Variants in KMT2A observed in about 807,000 individuals in gnomAD.
The protein encoded by KMT2A is lysine methyltransferase 2A, also known as histone-lysine N-methyltransferase 2A.
In KMT2A, 16 loss-of-function variants were observed where a neutral mutation model predicts 345.3. The observed-to-expected ratio is 0.05, with a 90% CI of 0.03 to 0.07. KMT2A has a LOEUF of 0.07. KMT2A is among the 10% of genes least tolerant of loss of function. The pLI, the probability that KMT2A is intolerant of heterozygous loss-of-function variation, is 1.00. For missense variants in KMT2A, 3,272 were observed against 4,841.6 expected (o/e 0.68, Z 9.62); for synonymous variants, 1,599 against 1,778.6 (o/e 0.90, Z 2.54).
chr11:118,437,440 C>T (rs1325666736), intron 1 of KMT2A, among the ~76,000 whole-genome samples: 1 of 152,040 alleles, frequency 6.6e-6, no homozygotes, highest in African/African-American at 2.4e-5. Flanking sequence ...GATCGTGTCC[C>T]TTCCAGCACC....
At chr11:118,518,796 A>AAT (rs1555052445) in intron 31 of KMT2A, among the ~76,000 whole-genome samples, 4 of 138,288 alleles carry the variant, frequency 2.9e-5, no homozygotes. Flanking sequence ...AAAAAAAAAA[A>AAT]GCCGGGCGCG....
rs929493020 is a variant in KMT2A, at chr11:118,523,595, T to C, written c.*1423T>C. 3 of 227,718 alleles carry C rather than the reference T, an allele frequency of 1.3e-5. No homozygotes were observed. Among genetic ancestry groups the C allele is most frequent in the African/African-American group, 2.2e-5 (1 of 45,042 alleles). 14.1% of individuals were successfully genotyped at this position (227,718 alleles called of 1,614,324 possible). On this transcript the variant is annotated 3_prime_UTR_variant, in exon 36 of 36. Transcript: ENST00000534358. Reference sequence around the variant, plus strand: ...TAAATATATTTTGTATATTTTTCTATGAGAAGCACTTCATAGGGAGAAGCA... The same window carrying C: ...TAAATATATTTTGTATATTTTTCTACGAGAAGCACTTCATAGGGAGAAGCA...
rs1951053582 is a variant in KMT2A, at chr11:118,525,090, G to A, written c.*2918G>A. On this transcript the variant is annotated 3_prime_UTR_variant, in exon 36 of 36. Transcript: ENST00000534358. ...GGAATAAGCGAAGGTTTCCCTACAA[G>A]AGGGAAAGAAGGCAAAAACGGCACA... 1 of 220,544 alleles carries A rather than the reference G, an allele frequency of 4.5e-6. No homozygotes were observed. The highest frequency in any genetic ancestry group is 9.1e-6 in the Non-Finnish European group (1 of 109,754). The allele number at this position is 220,544 out of a possible 1,614,324, so 13.7% of individuals were successfully genotyped here. A position where few individuals can be genotyped will look rare whatever the true frequency, so the allele number is the denominator to read the frequency against.
rs1950241067 is a variant in KMT2A at position 118,486,956 on chromosome 11, C to CA, written c.4333-1657dup. ...GGTTGAAATCTGAATGTTGAGCAGT[C>CA]AGTGAGACACAAACTAGCTAAGAAA... On this transcript the variant is annotated intron_variant, in intron 10 of 35. Transcript: ENST00000534358. Among the ~76,000 whole-genome samples, 5 of 152,166 alleles carry CA rather than the reference C, an allele frequency of 3.3e-5. No individual in the cohort carries two copies. In the South Asian group the frequency reaches 1.0e-3, roughly 32 times the overall value.
chr11:118,500,313 C>A (rs1950480294), intron 24 of KMT2A, among the ~76,000 whole-genome samples: 1 of 152,092 alleles, frequency 6.6e-6, no homozygotes, highest in Admixed American at 6.5e-5. Flanking sequence ...CAATAATGAT[C>A]AAATTTTTCA....
At position 118,506,316 on chromosome 11, in the gene KMT2A, T is replaced by C. The variant is rs1555048365; in HGVS notation, c.10424T>C (p.Leu3475Pro). 2 of 1,614,184 alleles carry C rather than the reference T, an allele frequency of 1.2e-6. No homozygotes were observed. Among genetic ancestry groups the C allele is most frequent in the Non-Finnish European group, 1.7e-6 (2 of 1,180,034 alleles). Reference sequence around the variant, plus strand: ...GGGATTCATTCTTCCCAGCGTGATCTTGATTCTGCTTCAGGGCCCCAGGTA... The same window carrying C: ...GGGATTCATTCTTCCCAGCGTGATCCTGATTCTGCTTCAGGGCCCCAGGTA... ...KTGIHSSQRD[L>P]DSASGPQVSN... Residue 3475 changes from leucine (L) to proline (P), a missense_variant, in exon 27 of 36, where the codon CTT becomes CCT. Leu to Pro is a moderately conservative substitution (Grantham distance 98, BLOSUM62 -3). This residue lies in a region of KMT2A where 748 missense variants were observed against 922.2 expected (regional missense o/e 0.81). Transcript: ENST00000534358.
intron 1 of KMT2A, among the ~76,000 whole-genome samples, chr11:118,455,898 C>T (rs1433387334): frequency 5.9e-5 from 9 of 152,030 alleles, no homozygotes; most frequent in African/African-American, 2.2e-4. Flanking sequence ...CATTGTTGCC[C>T]AGGCTGGTCT....
Position 118,436,695 on chromosome 11 carries a change from G to T in KMT2A, c.183G>T (p.Ala61=). The T allele has an allele frequency of 7.6e-7, 1 of 1,312,316 alleles. No individual in the cohort carries two copies. The highest frequency in any genetic ancestry group is 2.5e-5 in the South Asian group (1 of 39,460). The allele number at this position is 1,312,316 out of a possible 1,614,324, so 81.3% of individuals were successfully genotyped here. A position where few individuals can be genotyped will look rare whatever the true frequency, so the allele number is the denominator to read the frequency against. ...PGAPPSPPAV[A]AAAAAAGSSG... is the part of the protein sequence containing the mutation. ...CGCCCCCCTCCCCCCCGGCTGTGGC[G>T]GCCGCGGCGGCGGCGGCGGGAAGCA... The change falls in exon 1 of 36, where the codon GCG becomes GCT. Residue 61 remains alanine (A), a synonymous_variant. Transcript: ENST00000534358. The surrounding 1 kb of genome is among the most constrained non-coding windows in gnomAD (Gnocchi z 6.9).
At chr11:118,509,240 A>G (rs782799010) in intron 29 of KMT2A, 40 bp downstream of exon 29, 1 of 1,482,424 alleles carries the variant, frequency 6.7e-7, no homozygotes, top group Non-Finnish European at 9.4e-7. Flanking sequence ...GAGAATATCA[A>G]TGCTAAAAGG....
intron 31 of KMT2A, among the ~76,000 whole-genome samples, chr11:118,514,561 C>A (rs1271158190): frequency 3.3e-5 from 5 of 151,638 alleles, no homozygotes; most frequent in Non-Finnish European, 5.9e-5. Flanking sequence ...CTGCTTCAGC[C>A]TCCTGAGTAG....
Position 118,436,961 on chromosome 11 carries a change from C to T in KMT2A, c.432+17C>T, listed in dbSNP as rs1310280736. The T allele has an allele frequency of 1.4e-6, 2 of 1,448,142 alleles. No individual in the cohort carries two copies. The highest frequency in any genetic ancestry group is 1.8e-6 in the Non-Finnish European group (2 of 1,091,032). The allele number at this position is 1,448,142 out of a possible 1,614,324, so 89.7% of individuals were successfully genotyped here. ...AGCGGAGAGGTAAGGGGGCGAGGAA[C>T]CCCCAGGTCCGGGGTCTCGACCCTC... On this transcript the variant is annotated intron_variant, in intron 1 of 35. Transcript: ENST00000534358. This position sits in a 1 kb window ranked among gnomAD's most constrained non-coding sequence, Gnocchi z 6.9.
At chr11:118,445,568 C>T (rs1429046105) in intron 1 of KMT2A, among the ~76,000 whole-genome samples, 1 of 152,198 alleles carries the variant, frequency 6.6e-6, no homozygotes, top group Non-Finnish European at 1.5e-5. Flanking sequence ...CTACAGAGAT[C>T]AATGCAAGTA....
At chr11:118,519,839 T>C (rs1565317170) in intron 32 of KMT2A, 47 bp downstream of exon 32, 5 of 1,594,176 alleles carry the variant, frequency 3.1e-6, no homozygotes, top group Non-Finnish European at 3.4e-6. Flanking sequence ...TCGATTTTCT[T>C]ATCTCATGAC....
At chr11:118,492,514 C>T (rs534077210) in intron 15 of KMT2A, among the ~76,000 whole-genome samples, 2 of 152,296 alleles carry the variant, frequency 1.3e-5, no homozygotes, top group Admixed American at 6.5e-5. Flanking sequence ...CCCGTCTCTA[C>T]TAAAAATACA....
At chr11:118,513,099 C>T (rs868974860) in intron 31 of KMT2A, among the ~76,000 whole-genome samples, 6 of 151,954 alleles carry the variant, frequency 3.9e-5, no homozygotes, top group African/African-American at 7.3e-5. Flanking sequence ...ATATATTAGC[C>T]GGCACCGTGG....
Position 118,505,052 on chromosome 11 carries a change from A to G in KMT2A, c.9160A>G (p.Thr3054Ala). 1 of 1,614,136 alleles carries G rather than the reference A, an allele frequency of 6.2e-7. No homozygotes were observed. The highest frequency in any genetic ancestry group is 8.5e-7 in the Non-Finnish European group (1 of 1,180,028). The stretch of plus-strand genomic sequence containing the variant: ...GAACCAGAAGTATGTGCCCAATTCT[A>G]CTGATAGTCCTGGCCCGTCTCAGAT... Reference protein sequence around the residue: ...IQNQKYVPNSTDSPGPSQISN... With the variant: ...IQNQKYVPNSADSPGPSQISN... The change falls in exon 27 of 36, where the codon ACT (threonine) becomes GCT (alanine). Residue 3054 changes from threonine to alanine, a missense_variant. This residue lies in a region of KMT2A where 748 missense variants were observed against 922.2 expected (regional missense o/e 0.81). Coordinates refer to ENST00000534358, the MANE Select transcript of KMT2A (RefSeq NM_001197104.2). The surrounding 1 kb of genome is among the most constrained non-coding windows in gnomAD (Gnocchi z 4.6).
chr11:118,489,992 A>G (rs782129810), intron 12 of KMT2A, 105 bp downstream of exon 12: 21 of 1,420,546 alleles, frequency 1.5e-5, no homozygotes, highest in Non-Finnish European at 2.0e-5. Context: ...CAGTATGACA[A>G]TCTTTTTGCC....
intron 10 of KMT2A, among the ~76,000 whole-genome samples, chr11:118,486,898 T>A (rs564150671): frequency 1.8e-4 from 28 of 152,050 alleles, no homozygotes; most frequent in Non-Finnish European, 3.1e-4. Flanking sequence ...AAAAAAATTT[T>A]TAAAAATTTA....
chr11:118,518,654 GC>G (rs1162020894), intron 31 of KMT2A, among the ~76,000 whole-genome samples: 4 of 151,822 alleles, frequency 2.6e-5, no homozygotes, highest in Non-Finnish European at 5.9e-5. Context: ...ATGGTGACGT[GC>G]CCCTGTAGTC....
Sources: allele counts gnomAD v4.1 joint callset (sites outside exome capture counted in the v4.1 genomes callset), GRCh38; gene constraint gnomAD v4.1.1; regional missense constraint gnomAD v4.1.1; non-coding constraint Gnocchi (gnomAD v3.1); transcripts MANE v1.5; gene names NCBI Gene and HGNC (gene_info 2026-07-23, HGNC 2026-07-21).